ARHGAP10: variants seen among roughly 807,000 people sequenced by gnomAD.
ARHGAP10 encodes the protein rho GTPase-activating protein 10.
Under a neutral mutation model 108.6 loss-of-function variants are expected in ARHGAP10, and 87 were observed. That is an observed-to-expected ratio of 0.80 (90% CI 0.67 to 0.96). ARHGAP10 has a LOEUF of 0.96. Among genes scored for constraint, ARHGAP10 ranks in the 40% least tolerant of loss-of-function variants. The pLI is 0.00. For synonymous variants in ARHGAP10, 347 were observed against 341.1 expected (o/e 1.02, Z -0.19); for missense variants, 939 against 954.5 (o/e 0.98, Z 0.21).
chr4:148,036,445 G>A (rs1381050054), intron 19 of ARHGAP10, among the ~76,000 whole-genome samples: 1 of 152,194 alleles, frequency 6.6e-6, no homozygotes, highest in Non-Finnish European at 1.5e-5. Context: ...AATCGTGGGA[G>A]CAGTTACCTC....
At position 148,023,126 on chromosome 4, in the gene ARHGAP10, A is replaced by T. The variant is rs1446719381; in HGVS notation, c.1717-137A>T. ...TAAAAGGCTATGACCTCTTCCCTTC[A>T]TTGGAAGGAATGGATTTTGGGCTCT... On this transcript the variant is annotated intron_variant, in intron 18 of 22. Transcript: ENST00000336498. The T allele has an allele frequency of 1.2e-4, 102 of 874,250 alleles. No individual in the cohort carries two copies. The East Asian group carries it at 2.7e-3, about 23-fold the overall frequency. 54.2% of individuals were successfully genotyped at this position (874,250 alleles called of 1,614,324 possible).
intron 9 of ARHGAP10, among the ~76,000 whole-genome samples, chr4:147,880,490 A>G (rs1355364901): frequency 6.6e-6 from 1 of 152,182 alleles, no homozygotes; most frequent in African/African-American, 2.4e-5. Flanking sequence ...GTCCTAAGAT[A>G]TTTCTGCTTA....
intron 4 of ARHGAP10, 54 bp downstream of exon 4, chr4:147,847,276 T>A: frequency 6.8e-7 from 1 of 1,462,456 alleles, no homozygotes; most frequent in Admixed American, 1.7e-5. Flanking sequence ...TGCTGCTTCA[T>A]GGTACACTTT....
At chr4:147,886,873 C>A (rs375340724) in intron 10 of ARHGAP10, among the ~76,000 whole-genome samples, 44 of 152,278 alleles carry the variant, frequency 2.9e-4, no homozygotes, top group East Asian at 1.5e-3. Flanking sequence ...TGGGTTCAAG[C>A]AATTCTTATG....
At chr4:147,926,957 A>G (rs1466489801) in intron 13 of ARHGAP10, among the ~76,000 whole-genome samples, 1 of 152,122 alleles carries the variant, frequency 6.6e-6, no homozygotes, top group Non-Finnish European at 1.5e-5. Context: ...CATGTGAGAC[A>G]GGTGGTATTA....
chr4:147,745,483 G>GTGTT lies in ARHGAP10; in HGVS notation c.154+13050_154+13053dup, dbSNP rs573154646. 795 of 155,628 alleles carry GTGTT rather than the reference G, an allele frequency of 5.1e-3. 12 individuals are homozygous for GTGTT. Among genetic ancestry groups the GTGTT allele is most frequent in the East Asian group, 0.044 (235 of 5,306 alleles). The allele number at this position is 155,628 out of a possible 1,614,324, so 9.6% of individuals were successfully genotyped here. A position where few individuals can be genotyped will look rare whatever the true frequency, so the allele number is the denominator to read the frequency against. On this transcript the variant is annotated intron_variant, in intron 1 of 22. Coordinates refer to ENST00000336498, the MANE Select transcript of ARHGAP10 (RefSeq NM_024605.4). ...TCAGGGGTCCATCTCAGAGCACAAA[G>GTGTT]TGTTTGTTTGTTTGTTTGTTTGTTT... is the stretch of plus-strand genomic sequence containing the variant.
intron 8 of ARHGAP10, among the ~76,000 whole-genome samples, chr4:147,875,467 A>G (rs1380175735): frequency 2.0e-5 from 3 of 152,186 alleles, no homozygotes; most frequent in Non-Finnish European, 1.5e-5. Context: ...GCTGAAAATG[A>G]GCCAGAGTTA....
intron 13 of ARHGAP10, among the ~76,000 whole-genome samples, chr4:147,927,748 G>A (rs1247265254): frequency 6.6e-6 from 1 of 152,186 alleles, no homozygotes; most frequent in African/African-American, 2.4e-5. Context: ...TGATAGGGGA[G>A]CTTGATCCTA....
intron 1 of ARHGAP10, among the ~76,000 whole-genome samples, chr4:147,752,171 CA>C (rs1311459176): frequency 5.9e-5 from 9 of 152,318 alleles, no homozygotes; most frequent in African/African-American, 2.2e-4. Context: ...GCATGAGCCA[CA>C]ACGCCTGGCC....
chr4:147,937,374 A>G (rs1272680639), intron 13 of ARHGAP10, among the ~76,000 whole-genome samples: 1 of 151,872 alleles, frequency 6.6e-6, no homozygotes, highest in Non-Finnish European at 1.5e-5. Context: ...CCTCATTTTA[A>G]TTTAATTACT....
At chr4:148,036,244 C>CTTTCTGTAGATCTTA (rs1255451239) in intron 19 of ARHGAP10, among the ~76,000 whole-genome samples, 1 of 152,078 alleles carries the variant, frequency 6.6e-6, no homozygotes, top group Non-Finnish European at 1.5e-5. Context: ...TGGACTGTTT[C>CTTTCTGTAGATCTTA]TTTCTGTAGA....
intron 18 of ARHGAP10, among the ~76,000 whole-genome samples, chr4:147,977,923 G>A (rs988403833): frequency 1.3e-5 from 2 of 151,410 alleles, no homozygotes; most frequent in African/African-American, 4.9e-5. Flanking sequence ...TTCGTTTTCT[G>A]TTTCTCCATT....
intron 19 of ARHGAP10, among the ~76,000 whole-genome samples, chr4:148,041,126 T>C (rs1728616782): frequency 6.6e-6 from 1 of 152,232 alleles, no homozygotes; most frequent in Non-Finnish European, 1.5e-5. Flanking sequence ...ATCTTTTCTT[T>C]TTATGCATTT....
intron 11 of ARHGAP10, 103 bp downstream of exon 11, chr4:147,906,822 A>G (rs11099672): frequency 0.88 from 1,251,438 of 1,423,858 alleles, 558,533 homozygotes; most frequent in Non-Finnish European, 0.92. Context: ...GTTCCCTTCT[A>G]TAACAGGTAT....
chr4:148,047,120 A>G (rs527917171), intron 20 of ARHGAP10, 69 bp downstream of exon 20: 2 of 1,565,698 alleles, frequency 1.3e-6, no homozygotes, highest in African/African-American at 1.4e-5. Context: ...TAAAGTTTCC[A>G]TGAGCAGTGA....
chr4:147,999,489 C>T (rs905279106), intron 18 of ARHGAP10, among the ~76,000 whole-genome samples: 4 of 152,232 alleles, frequency 2.6e-5, no homozygotes, highest in Non-Finnish European at 1.5e-5. Flanking sequence ...TCCATCCCTC[C>T]GGATCCGGCA....
intron 19 of ARHGAP10, among the ~76,000 whole-genome samples, chr4:148,024,726 T>C (rs573710683): frequency 6.6e-6 from 1 of 152,244 alleles, no homozygotes; most frequent in African/African-American, 2.4e-5. Context: ...CCTAGCTAAC[T>C]TTTTTATTCT....
At chr4:147,738,323 G>C (rs550294769) in intron 1 of ARHGAP10, among the ~76,000 whole-genome samples, 1 of 152,052 alleles carries the variant, frequency 6.6e-6, no homozygotes, top group African/African-American at 2.4e-5. Flanking sequence ...AGGCCGAGGC[G>C]GGCGGATCAC....
intron 10 of ARHGAP10, among the ~76,000 whole-genome samples, chr4:147,890,470 A>G (rs1353558179): frequency 6.6e-6 from 1 of 152,210 alleles, no homozygotes; most frequent in East Asian, 1.9e-4. Context: ...ACTCAATAAT[A>G]TATAGACAAA....
Sources: gnomAD v4.1 joint callset for allele counts (sites outside exome capture counted in the v4.1 genomes callset) on GRCh38, gnomAD v4.1.1 for gene constraint, MANE v1.5 for transcripts, NCBI Gene and HGNC (gene_info 2026-07-23, HGNC 2026-07-21) for gene names.